The following NTRK3 variants were observed in gnomAD, a reference collection of about 807,000 sequenced individuals.
The protein encoded by NTRK3 is neurotrophic receptor tyrosine kinase 3, also known as NT-3 growth factor receptor.
Under a neutral mutation model 91.7 loss-of-function variants are expected in NTRK3, and 24 were observed. The observed-to-expected ratio is 0.26, with a 90% CI of 0.19 to 0.37. The LOEUF is 0.37. NTRK3 is among the 10% of genes least tolerant of loss of function. The pLI is 1.00. For missense variants in NTRK3, 880 were observed against 1,068.9 expected, an observed-to-expected ratio of 0.82 and a Z score of 2.46; for synonymous variants, 483 against 404.0, an observed-to-expected ratio of 1.20 and a Z score of -2.34.
At chr15:88,216,490 G>A (rs942483510) in intron 3 of NTRK3, among the ~76,000 whole-genome samples, 15 of 152,248 alleles carry the variant, frequency 9.9e-5, no homozygotes, top group East Asian at 5.8e-4. Flanking sequence ...GCCCAGCCAC[G>A]TGCTGGTCAT....
chr15:87,892,083 A>AACACACACACACACAC (rs58946187), intron 17 of NTRK3, among the ~76,000 whole-genome samples: 221 of 141,430 alleles, frequency 1.6e-3, no homozygotes, highest in East Asian at 0.011. Context: ...CCCCATCCCC[A>AACACACACACACACAC]ACACACACAC....
chr15:88,120,646 G>C (rs190546000), intron 13 of NTRK3, among the ~76,000 whole-genome samples: 42 of 152,304 alleles, frequency 2.8e-4, no homozygotes, highest in African/African-American at 9.1e-4. Context: ...TTTCCCCAAG[G>C]CCAGGAGTGC....
chr15:87,861,358 C>T (rs2141370326), exon 19 of NTRK3: 1 of 214,250 alleles, frequency 4.7e-6, no homozygotes, highest in East Asian at 6.9e-5. Flanking sequence ...TGAAAGTTTG[C>T]TGCACAACAT....
At chr15:87,971,727 AG>A (rs1384726490) in intron 14 of NTRK3, among the ~76,000 whole-genome samples, 8 of 152,182 alleles carry the variant, frequency 5.3e-5, no homozygotes, top group Admixed American at 5.2e-4. Flanking sequence ...TAGCTGTGAG[AG>A]GTAAATATTT....
At chr15:87,903,381 G>C (rs139608401) in intron 17 of NTRK3, among the ~76,000 whole-genome samples, 1 of 152,268 alleles carries the variant, frequency 6.6e-6, no homozygotes, top group East Asian at 1.9e-4. Flanking sequence ...AGTGGTCCTG[G>C]ATGGCACAAC....
chr15:87,992,595 C>T (rs993342490), intron 14 of NTRK3, among the ~76,000 whole-genome samples: 3 of 152,240 alleles, frequency 2.0e-5, no homozygotes, highest in Non-Finnish European at 4.4e-5. Context: ...TCTATAAGCA[C>T]TTTCACTTGC....
chr15:88,217,954 G>T (rs2049933585), intron 3 of NTRK3, among the ~76,000 whole-genome samples: 1 of 152,000 alleles, frequency 6.6e-6, no homozygotes, highest in African/African-American at 2.4e-5. Context: ...TAGAGACGGG[G>T]TTTCACCGTT....
At chr15:88,101,581 G>A (rs572135185) in intron 13 of NTRK3, among the ~76,000 whole-genome samples, 6 of 152,264 alleles carry the variant, frequency 3.9e-5, no homozygotes, top group South Asian at 2.1e-4. Context: ...TGTTTATCGC[G>A]GCACTATTCA....
At chr15:88,213,124 T>C (rs1438813538) in intron 3 of NTRK3, among the ~76,000 whole-genome samples, 1 of 152,238 alleles carries the variant, frequency 6.6e-6, no homozygotes, top group Non-Finnish European at 1.5e-5. Flanking sequence ...TGGATTTTCT[T>C]GCATGGAACA....
chr15:88,075,610 T>C (rs921452644), intron 13 of NTRK3, among the ~76,000 whole-genome samples: 2 of 152,158 alleles, frequency 1.3e-5, no homozygotes, highest in Non-Finnish European at 2.9e-5. Flanking sequence ...TTTGTTGTTG[T>C]TGTTGTTGTT....
chr15:87,864,331 T>A lies in NTRK3; in HGVS notation c.*12604A>T, dbSNP rs2064606064. ...CTTTGGGATATGAATACAATCAATC[T>A]TTTCTAGCCTGGAAAAGGAAGTATC... On this transcript the variant is annotated 3_prime_UTR_variant, in exon 19 of 19. Transcript: ENST00000394480. The A allele has an allele frequency of 1.7e-5, 4 of 231,476 alleles. No homozygotes were observed. The South Asian group carries it at 7.3e-4, about 42-fold the overall frequency. The allele number at this position is 231,476 out of a possible 1,614,324, so 14.3% of individuals were successfully genotyped here.
At chr15:88,080,688 T>A (rs539485805) in intron 13 of NTRK3, among the ~76,000 whole-genome samples, 4 of 152,220 alleles carry the variant, frequency 2.6e-5, no homozygotes, top group Non-Finnish European at 5.9e-5. Context: ...TCCAATCTCA[T>A]GGCCAAAGAG....
At chr15:88,026,176 C>G (rs571343114) in intron 14 of NTRK3, among the ~76,000 whole-genome samples, 1 of 151,986 alleles carries the variant, frequency 6.6e-6, no homozygotes, top group Non-Finnish European at 1.5e-5. Flanking sequence ...GAGGCTGAGG[C>G]AGGAGAACGG....
Position 88,153,502 on chromosome 15 carries a change from G to A in NTRK3, c.396-6099C>T, listed in dbSNP as rs145037255. 6.5e-3 allele frequency among the ~76,000 whole-genome samples: 993 copies of A among 152,200 alleles called. 13 individuals carry two copies. The highest frequency in any genetic ancestry group is 0.023 in the African/African-American group (949 of 41,528). On this transcript the variant is annotated intron_variant, in intron 5 of 18. Transcript: ENST00000394480. ...ACTCCTGACCTCAGGTGATCCACCTGCCTCGGCCTCCCAAAGTGCTGGGAT... is the reference window on the plus strand; with the variant it reads ...ACTCCTGACCTCAGGTGATCCACCTACCTCGGCCTCCCAAAGTGCTGGGAT...
chr15:88,184,035 G>A (rs1313998292), intron 4 of NTRK3, among the ~76,000 whole-genome samples, 190 bp downstream of exon 4: 2 of 152,210 alleles, frequency 1.3e-5, no homozygotes, highest in Non-Finnish European at 2.9e-5. Context: ...AGACAAAGGG[G>A]TGTGAAGAGA....
intron 3 of NTRK3, among the ~76,000 whole-genome samples, chr15:88,194,215 G>A (rs762107821): frequency 2.6e-5 from 4 of 152,122 alleles, no homozygotes; most frequent in Non-Finnish European, 2.9e-5. Flanking sequence ...CGCTGATGTC[G>A]TATTCTTTGC....
intron 3 of NTRK3, among the ~76,000 whole-genome samples, chr15:88,203,203 C>G (rs982229696): frequency 2.6e-5 from 4 of 152,190 alleles, no homozygotes; most frequent in African/African-American, 9.7e-5. Flanking sequence ...CCCCATTCCC[C>G]TACCTAGAAG....
At chr15:88,036,564 G>A (rs1222553753) in intron 13 of NTRK3, among the ~76,000 whole-genome samples, 3 of 152,220 alleles carry the variant, frequency 2.0e-5, no homozygotes, top group Non-Finnish European at 2.9e-5. Context: ...AGGAAAAGAG[G>A]AAGCTGGGGA....
At chr15:87,872,350 G>C (rs1464601338) in exon 19 of NTRK3, 1 of 223,660 alleles carries the variant, frequency 4.5e-6, no homozygotes, top group Non-Finnish European at 8.9e-6. Flanking sequence ...AAAGTCATTA[G>C]TCATTCCTGA....
Sources: gnomAD v4.1 joint callset for allele counts (sites outside exome capture counted in the v4.1 genomes callset) on GRCh38, gnomAD v4.1.1 for gene constraint, MANE v1.5 for transcripts, NCBI Gene and HGNC (gene_info 2026-07-23, HGNC 2026-07-21) for gene names.